SORBS2: variants seen among roughly 807,000 people sequenced by gnomAD.
SORBS2 encodes the protein sorbin and SH3 domain containing 2, also known as sorbin and SH3 domain-containing protein 2.
SORBS2 carries 46 observed loss-of-function variants against 97.7 expected under a neutral mutation model. That is an observed-to-expected ratio of 0.47 (90% CI 0.37 to 0.60). SORBS2 has a LOEUF of 0.60. Among genes scored for constraint, SORBS2 ranks in the 20% least tolerant of loss-of-function variants. The pLI, the probability that SORBS2 is intolerant of heterozygous loss-of-function variation, is 0.00. For synonymous variants in SORBS2, 476 were observed against 473.4 expected (o/e 1.01, Z -0.07); for missense variants, 1,316 against 1,282.3 (o/e 1.03, Z -0.40).
At chr4:185,874,762 C>CTGGAATTG (rs141248214) in intron 1 of SORBS2, among the ~76,000 whole-genome samples, 32,820 of 151,300 alleles carry the variant, frequency 0.22, 4,075 homozygotes, top group East Asian at 0.54. Flanking sequence ...TTGTCCTTGG[C>CTGGAATTG]TGGAATTGTG....
intron 1 of SORBS2, among the ~76,000 whole-genome samples, chr4:185,815,756 C>T (rs532950771): frequency 4.2e-4 from 64 of 152,316 alleles, no homozygotes; most frequent in Non-Finnish European, 7.3e-5. Flanking sequence ...TATCTATCAT[C>T]TGTGTATCAT....
chr4:185,645,689 ACT>A (rs2097196174), intron 4 of SORBS2: 3 of 152,102 alleles, frequency 2.0e-5, no homozygotes, highest in Admixed American at 2.0e-4. Context: ...CACAAAGAAA[ACT>A]CTCTTTTTCC....
At chr4:185,611,932 C>T (rs748530727) in exon 12 of SORBS2, 1 of 1,613,776 alleles carries the variant, frequency 6.2e-7, no homozygotes, top group South Asian at 1.1e-5. Context: ...GGGATTTTAC[C>T]TTCATACCAG....
chr4:185,857,569 A>G (rs1033779850), intron 1 of SORBS2, among the ~76,000 whole-genome samples: 4 of 152,248 alleles, frequency 2.6e-5, no homozygotes, highest in Admixed American at 2.6e-4. Flanking sequence ...AAAGATAACC[A>G]TAAGGTCTGA....
In SORBS2 at chr4:185,954,260, C is replaced by G. The variant is rs556846329; in HGVS notation, c.-338+1936G>C. ...TGATTAATGGGCTAATACACCTTCT[C>G]AAAAGCAATGCCTTTTAAACATAGA... On this transcript the variant is annotated intron_variant, in intron 1 of 20. Coordinates refer to the SORBS2 transcript ENST00000284776. Among the ~76,000 whole-genome samples the G allele has an allele frequency of 5.9e-5, 9 of 152,262 alleles. No individual in the cohort carries two copies. In the South Asian group the frequency reaches 1.9e-3, roughly 32 times the overall value.
In SORBS2 at chr4:185,822,393, C is replaced by T. The variant is rs577843733; in HGVS notation, c.-337-47027G>A. On this transcript the variant is annotated intron_variant, in intron 1 of 20. Coordinates refer to the SORBS2 transcript ENST00000284776. ...AAAGAGGAGGAAACGCTGCCCAGCA[C>T]ATCAGGAGAGATGGCACAGCAGCGC... is the stretch of plus-strand genomic sequence containing the variant. Among the ~76,000 whole-genome samples the T allele has an allele frequency of 2.5e-4, 38 of 152,348 alleles. No homozygotes were observed. The South Asian group carries it at 6.6e-3, about 27-fold the overall frequency.
chr4:185,678,649 A>G (rs2153500934), intron 3 of SORBS2, 102 bp from the exon 7 acceptor site: 1 of 1,335,914 alleles, frequency 7.5e-7, no homozygotes, highest in Non-Finnish European at 1.0e-6. Context: ...TATTTCCAAA[A>G]TTGTAGTGTT....
intron 1 of SORBS2, among the ~76,000 whole-genome samples, chr4:185,830,117 G>T (rs1042651227): frequency 4.6e-5 from 7 of 152,170 alleles, no homozygotes; most frequent in Non-Finnish European, 8.8e-5. Context: ...ATTTGTACTG[G>T]TGATTTTTCC....
intron 2 of SORBS2, among the ~76,000 whole-genome samples, chr4:185,696,400 C>G (rs2098175452): frequency 6.6e-6 from 1 of 152,122 alleles, no homozygotes; most frequent in Admixed American, 6.6e-5. Context: ...TGGTGAATCA[C>G]TCATTTCACT....
intron 1 of SORBS2, among the ~76,000 whole-genome samples, chr4:185,920,941 T>G (rs1339352903): frequency 1.3e-5 from 2 of 152,146 alleles, no homozygotes; most frequent in Non-Finnish European, 2.9e-5. Context: ...CAATAAGATG[T>G]CCCATCATGA....
intron 4 of SORBS2, among the ~76,000 whole-genome samples, chr4:185,677,970 A>G (rs928388577): frequency 1.3e-5 from 2 of 151,696 alleles, no homozygotes; most frequent in Admixed American, 1.3e-4. Context: ...ACTTTGACAT[A>G]TATATATATA....
intron 14 of SORBS2, among the ~76,000 whole-genome samples, chr4:185,588,645 G>C (rs533419601): frequency 1.0e-5 from 1 of 99,760 alleles, no homozygotes; most frequent in Non-Finnish European, 2.1e-5. Flanking sequence ...ATGGAGTTTC[G>C]CTCTTGTCGC....
chr4:185,806,750 G>A (rs961897577), intron 1 of SORBS2, among the ~76,000 whole-genome samples: 5 of 152,118 alleles, frequency 3.3e-5, no homozygotes, highest in East Asian at 1.9e-4. Flanking sequence ...GAGCCACCGC[G>A]CCCGGCCTAG....
At chr4:185,647,762 A>G (rs2097237212) in intron 3 of SORBS2, among the ~76,000 whole-genome samples, 1 of 152,200 alleles carries the variant, frequency 6.6e-6, no homozygotes, top group Non-Finnish European at 1.5e-5. Flanking sequence ...ATTTGTGTAA[A>G]ACACAGACAG....
intron 2 of SORBS2, among the ~76,000 whole-genome samples, chr4:185,769,842 A>C (rs2098959252): frequency 6.6e-6 from 1 of 152,180 alleles, no homozygotes; most frequent in South Asian, 2.1e-4. Context: ...TACAGTGAAA[A>C]ATAATGTGTT....
intron 13 of SORBS2, among the ~76,000 whole-genome samples, chr4:185,590,883 G>A (rs2095910957): frequency 1.3e-5 from 2 of 152,062 alleles, no homozygotes; most frequent in South Asian, 4.2e-4. Context: ...TTAAAAATTG[G>A]GAATTTGTTT....
chr4:185,768,700 A>AAAAC (rs2098950903), intron 2 of SORBS2, among the ~76,000 whole-genome samples: 1 of 106,988 alleles, frequency 9.3e-6, no homozygotes, highest in Admixed American at 9.5e-5. Context: ...CTCTGTCTCA[A>AAAAC]AAAAAAAAAA....
At chr4:185,660,842 C>T (rs1465743289), upstream of SORBS2, among the ~76,000 whole-genome samples, 6 of 152,188 alleles carry the variant, frequency 3.9e-5, no homozygotes, top group African/African-American at 4.8e-5. Flanking sequence ...CCTGAGAATT[C>T]CCCTCTGCTC....
intron 6 of SORBS2, among the ~76,000 whole-genome samples, chr4:185,626,435 GCT>G (rs1457596176): frequency 6.6e-6 from 1 of 152,172 alleles, no homozygotes; most frequent in Non-Finnish European, 1.5e-5. Context: ...CCAACAATTT[GCT>G]CTGTTGCTGC....
Sources: gnomAD v4.1 joint callset for allele counts (sites outside exome capture counted in the v4.1 genomes callset) on GRCh38, gnomAD v4.1.1 for gene constraint, MANE v1.5 for transcripts, NCBI Gene and HGNC (gene_info 2026-07-23, HGNC 2026-07-21) for gene names.